ELP4: variants seen among roughly 807,000 people sequenced by gnomAD.
ELP4 encodes the protein elongator complex protein 4.
In ELP4, 51 loss-of-function variants were observed where a neutral mutation model predicts 48.9. The observed-to-expected ratio is 1.04, with a 90% confidence interval of 0.83 to 1.32. The LOEUF (loss-of-function observed/expected upper bound fraction) is 1.32, where lower values mean the gene tolerates loss of function less well. Among genes scored for constraint, ELP4 ranks in the 40% most tolerant of loss-of-function variants. The pLI is 0.00. For missense variants in ELP4, 519 were observed against 514.6 expected, an observed-to-expected ratio of 1.01 and a Z score of -0.08; for synonymous variants, 210 against 189.2, an observed-to-expected ratio of 1.11 and a Z score of -0.90.
chr11:31,519,627 C>A (rs948312784), intron 1 of ELP4, among the ~76,000 whole-genome samples: 16 of 152,130 alleles, frequency 1.1e-4, no homozygotes, highest in Non-Finnish European at 1.8e-4. Context: ...GAGTTCGAGA[C>A]CAGCCTGACC....
chr11:31,597,458 T>TA (rs1957689824), intron 4 of ELP4, among the ~76,000 whole-genome samples: 2 of 152,160 alleles, frequency 1.3e-5, no homozygotes, highest in Admixed American at 1.3e-4. Flanking sequence ...AGACTAGAAA[T>TA]ATAGGACTAG....
intron 3 of ELP4, among the ~76,000 whole-genome samples, chr11:31,544,228 G>C (rs1956649088): frequency 6.6e-6 from 1 of 152,260 alleles, no homozygotes; most frequent in Admixed American, 6.5e-5. Flanking sequence ...CAAAGGGTCA[G>C]GGAGTTCCCT....
At chr11:31,767,481 A>T (rs1464194165) in intron 9 of ELP4, 1 of 152,110 alleles carries the variant, frequency 6.6e-6, no homozygotes. Context: ...AATAGAAAAT[A>T]ATCGGTATGA....
At position 31,789,938 on chromosome 11, in the gene ELP4, T is replaced by C. The variant is rs780356070; in HGVS notation, c.*6414T>C. On this transcript the variant is annotated 3_prime_UTR_variant, in exon 10 of 10. Transcript: ENST00000640961. ...TTTTTTTTTTTTTTTTTTTTTTTAC[T>C]GTAATCTTGGCCAGTATTGAGACAT... 10 of 1,439,176 alleles carry C rather than the reference T, an allele frequency of 6.9e-6. No individual in the cohort carries two copies. Among genetic ancestry groups the C allele is most frequent in the African/African-American group, 1.5e-5 (1 of 65,068 alleles). The allele number at this position is 1,439,176 out of a possible 1,614,324, so 89.2% of individuals were successfully genotyped here. A position where few individuals can be genotyped will look rare whatever the true frequency, so the allele number is the denominator to read the frequency against.
At chr11:31,589,673 G>T (rs1957536849) in intron 3 of ELP4, among the ~76,000 whole-genome samples, 1 of 152,072 alleles carries the variant, frequency 6.6e-6, no homozygotes, top group Non-Finnish European at 1.5e-5. Context: ...ACATCTATGT[G>T]ACAAGTTCTA....
At position 31,786,346 on chromosome 11, in the gene ELP4, G is replaced by A. The variant is rs1054014796; in HGVS notation, c.*2822G>A. On this transcript the variant is annotated 3_prime_UTR_variant, in exon 10 of 10. Coordinates refer to ENST00000640961, the MANE Select transcript of ELP4 (RefSeq NM_019040.5). ...TTACTGCTTTCCAAAGATAGTCACCGTCAACATTATTGAAATAAGCAGTAC... is the reference window on the plus strand; with the variant it reads ...TTACTGCTTTCCAAAGATAGTCACCATCAACATTATTGAAATAAGCAGTAC... The A allele has an allele frequency of 1.9e-5, 4 of 210,320 alleles. No homozygotes were observed. The highest frequency in any genetic ancestry group is 7.1e-5 in the East Asian group (1 of 14,008). 13.0% of individuals were successfully genotyped at this position (210,320 alleles called of 1,614,324 possible). A position where few individuals can be genotyped will look rare whatever the true frequency, so the allele number is the denominator to read the frequency against.
At chr11:31,536,953 CT>C (rs1377206762) in intron 2 of ELP4, among the ~76,000 whole-genome samples, 1 of 152,128 alleles carries the variant, frequency 6.6e-6, no homozygotes, top group Non-Finnish European at 1.5e-5. Flanking sequence ...TTCCTATTAG[CT>C]GTCTTTTCAA....
rs933724910 is a variant in ELP4 at position 31,762,999 on chromosome 11, A to G, written c.1144-20394A>G. On this transcript the variant is annotated intron_variant, in intron 9 of 9. Transcript: ENST00000640961. Reference sequence around the variant, plus strand: ...ATGGGCTATTATTGAATAAAAACAAAAGTACTTTAAATAATAACAAAAGAT... The same window carrying G: ...ATGGGCTATTATTGAATAAAAACAAGAGTACTTTAAATAATAACAAAAGAT... Among the ~76,000 whole-genome samples the G allele has an allele frequency of 6.6e-5, 10 of 152,144 alleles. No individual in the cohort carries two copies. In the South Asian group the frequency reaches 1.5e-3, roughly 22 times the overall value.
intron 9 of ELP4, among the ~76,000 whole-genome samples, chr11:31,751,203 G>A (rs1947712017): frequency 6.6e-6 from 1 of 152,186 alleles, no homozygotes. Context: ...AATTGGCCTT[G>A]GCACCAATTT....
chr11:31,769,164 A>G (rs1948092192), intron 9 of ELP4, among the ~76,000 whole-genome samples: 1 of 152,176 alleles, frequency 6.6e-6, no homozygotes, highest in Non-Finnish European at 1.5e-5. Context: ...TCTCAAAGTA[A>G]CTAGAGAGTA....
intron 9 of ELP4, among the ~76,000 whole-genome samples, chr11:31,738,476 A>G (rs1175887831): frequency 2.0e-5 from 3 of 151,934 alleles, no homozygotes; most frequent in South Asian, 4.1e-4. Context: ...GCCGACGCCT[A>G]TAATCCCAGC....
At chr11:31,783,312 T>C in intron 9 of ELP4, 81 bp from the exon 10 acceptor site, 1 of 1,273,138 alleles carries the variant, frequency 7.9e-7, no homozygotes, top group Non-Finnish European at 1.1e-6. Flanking sequence ...AATATTGTAA[T>C]CTGAAGTATG....
intron 9 of ELP4, among the ~76,000 whole-genome samples, chr11:31,704,991 C>T (rs1310938081): frequency 4.8e-5 from 7 of 146,522 alleles, no homozygotes. Flanking sequence ...AACCTGGGAA[C>T]AGAGCGAGAC....
chr11:31,575,692 G>A (rs1957263545), intron 3 of ELP4, among the ~76,000 whole-genome samples: 1 of 152,134 alleles, frequency 6.6e-6, no homozygotes, highest in Non-Finnish European at 1.5e-5. Context: ...GCCAAACTAA[G>A]CTTCATAAGT....
intron 3 of ELP4, among the ~76,000 whole-genome samples, chr11:31,569,113 A>T (rs1342180618): frequency 6.6e-6 from 1 of 151,906 alleles, no homozygotes; most frequent in East Asian, 1.9e-4. Flanking sequence ...AAGGAAAGAA[A>T]AAAAACCTAA....
At chr11:31,755,295 G>A (rs1420300580) in intron 9 of ELP4, among the ~76,000 whole-genome samples, 3 of 152,180 alleles carry the variant, frequency 2.0e-5, no homozygotes, top group Non-Finnish European at 4.4e-5. Context: ...CTATTAGGCA[G>A]ATAACACAGT....
intron 9 of ELP4, among the ~76,000 whole-genome samples, chr11:31,685,930 TAAAA>T (rs58204467): frequency 2.1e-5 from 3 of 142,786 alleles, no homozygotes; most frequent in African/African-American, 7.8e-5. Context: ...GACTCCATCT[TAAAA>T]AAAAAAAAAA....
intron 9 of ELP4, among the ~76,000 whole-genome samples, chr11:31,722,689 C>CTCTCTG (rs1393267679): frequency 7.9e-6 from 1 of 125,882 alleles, no homozygotes; most frequent in African/African-American, 3.7e-5. Context: ...CTCTCTCTCT[C>CTCTCTG]TCTCTCTGTC....
At chr11:31,641,738 T>TC (rs1945102382) in intron 7 of ELP4, among the ~76,000 whole-genome samples, 1 of 151,900 alleles carries the variant, frequency 6.6e-6, no homozygotes, top group South Asian at 2.1e-4. Context: ...CCAGCCAGTC[T>TC]CCCATCTGGA....
Sources: gnomAD v4.1 joint callset for allele counts (sites outside exome capture counted in the v4.1 genomes callset) on GRCh38, gnomAD v4.1.1 for gene constraint, MANE v1.5 for transcripts, NCBI Gene and HGNC (gene_info 2026-07-23, HGNC 2026-07-21) for gene names.